The following GTF2F2 variants were observed in gnomAD, a reference collection of about 807,000 sequenced individuals.
The protein encoded by GTF2F2 is general transcription factor IIF subunit 2.
Under a neutral mutation model 42.2 loss-of-function variants are expected in GTF2F2, and 23 were observed. The ratio of observed to expected loss-of-function variants is 0.55; its 90% CI spans 0.39 to 0.77. The LOEUF (loss-of-function observed/expected upper bound fraction) is 0.77, where lower values mean the gene tolerates loss of function less well. Among genes scored for constraint, GTF2F2 ranks in the 30% least tolerant of loss-of-function variants. The pLI is 0.00. For synonymous variants in GTF2F2, 105 were observed against 100.8 expected (o/e 1.04, Z -0.25); for missense variants, 261 against 287.2 (o/e 0.91, Z 0.66).
At chr13:45,131,749 T>C (rs1008363571) in intron 1 of GTF2F2, among the ~76,000 whole-genome samples, 3 of 151,656 alleles carry the variant, frequency 2.0e-5, no homozygotes, top group Admixed American at 6.6e-5. Flanking sequence ...CCACAAAAAA[T>C]ACAAAACTTA....
At chr13:45,129,046 A>G (rs1366187569) in intron 1 of GTF2F2, among the ~76,000 whole-genome samples, 1 of 152,202 alleles carries the variant, frequency 6.6e-6, no homozygotes, top group Admixed American at 6.5e-5. Context: ...TAGTTTGATC[A>G]CAGAAAATCC....
At chr13:45,273,654 A>ATTT (rs1331934269) in intron 7 of GTF2F2, among the ~76,000 whole-genome samples, 4 of 110,830 alleles carry the variant, frequency 3.6e-5, no homozygotes, top group Non-Finnish European at 7.2e-5. Context: ...AGAGTGGTAA[A>ATTT]ATTTTTTTTT....
chr13:45,272,579 CA>C (rs1218894677), intron 7 of GTF2F2, among the ~76,000 whole-genome samples: 1 of 150,946 alleles, frequency 6.6e-6, no homozygotes, highest in Non-Finnish European at 1.5e-5. Flanking sequence ...CCCAACTCTA[CA>C]AAAAAATACA....
chr13:45,228,283 C>CTTTTTTTTTT lies in GTF2F2; in HGVS notation c.386+20785_386+20794dup, dbSNP rs372901327. ...TTTCCTTATTGCTGCCAGAGTTAAT[C>CTTTTTTTTTT]TTTTTTTTTTTTTTTTGGAGACGGA... On this transcript the variant is annotated intron_variant, in intron 5 of 7. Coordinates refer to ENST00000340473, the MANE Select transcript of GTF2F2 (RefSeq NM_004128.3). Among the ~76,000 whole-genome samples, 805 of 92,620 alleles carry CTTTTTTTTTT rather than the reference C, an allele frequency of 8.7e-3. 90 individuals are homozygous for CTTTTTTTTTT. Among genetic ancestry groups the CTTTTTTTTTT allele is most frequent in the African/African-American group, 0.039 (691 of 17,572 alleles). 60.8% of individuals were successfully genotyped at this position (92,620 alleles called of 152,430 possible). A position where few individuals can be genotyped will look rare whatever the true frequency, so the allele number is the denominator to read the frequency against.
chr13:45,158,598 G>A (rs1458334430), intron 4 of GTF2F2, among the ~76,000 whole-genome samples: 1 of 152,092 alleles, frequency 6.6e-6, no homozygotes, highest in Non-Finnish European at 1.5e-5. Context: ...TCCTCTGTCA[G>A]GGATTTGTCT....
chr13:45,159,038 G>T (rs1356349281), intron 4 of GTF2F2, among the ~76,000 whole-genome samples: 5 of 152,094 alleles, frequency 3.3e-5, no homozygotes, highest in Admixed American at 6.5e-5. Context: ...TTTGGCACAG[G>T]TGATTTTTTA....
chr13:45,194,032 C>A, intron 4 of GTF2F2: 1 of 1,614,102 alleles, frequency 6.2e-7, no homozygotes, highest in Non-Finnish European at 8.5e-7. Flanking sequence ...TCCATCCAGC[C>A]TGCTTTTGGA....
At chr13:45,259,870 G>A (rs917077407) in intron 6 of GTF2F2, among the ~76,000 whole-genome samples, 3 of 151,956 alleles carry the variant, frequency 2.0e-5, no homozygotes, top group Non-Finnish European at 4.4e-5. Flanking sequence ...GATTATAGGC[G>A]TGAGCCACTG....
chr13:45,136,617 C>A, intron 1 of GTF2F2, 116 bp from the exon 2 acceptor site: 1 of 615,484 alleles, frequency 1.6e-6, no homozygotes, highest in Non-Finnish European at 2.9e-6. Context: ...ACAGTAGTAA[C>A]TTGATAATGA....
chr13:45,134,786 TGA>T (rs1390662755), intron 1 of GTF2F2, among the ~76,000 whole-genome samples: 1 of 152,150 alleles, frequency 6.6e-6, no homozygotes, highest in Non-Finnish European at 1.5e-5. Flanking sequence ...AGTCTGGAGT[TGA>T]GTCTTGAATC....
chr13:45,278,887 G>A (rs753382342), intron 7 of GTF2F2, among the ~76,000 whole-genome samples: 12 of 142,704 alleles, frequency 8.4e-5, no homozygotes, highest in Admixed American at 4.4e-4. Context: ...ACAGTGGTGC[G>A]ATCTCAGCTC....
At chr13:45,198,779 A>G (rs1181972370) in intron 4 of GTF2F2, among the ~76,000 whole-genome samples, 1 of 150,968 alleles carries the variant, frequency 6.6e-6, no homozygotes, top group African/African-American at 2.4e-5. Flanking sequence ...TTTTTTTAAC[A>G]TGTACTTGCT....
intron 1 of GTF2F2, among the ~76,000 whole-genome samples, chr13:45,132,940 C>A (rs768624313): frequency 1.3e-5 from 2 of 151,994 alleles, no homozygotes; most frequent in Non-Finnish European, 2.9e-5. Context: ...TAAGGGCTCA[C>A]TTGATGTTTG....
intron 5 of GTF2F2, chr13:45,219,278 C>T (rs1344135399): frequency 1.3e-5 from 2 of 152,132 alleles, no homozygotes; most frequent in African/African-American, 2.4e-5. Context: ...TTTGAACCCA[C>T]ATCTGATTGA....
intron 4 of GTF2F2, among the ~76,000 whole-genome samples, chr13:45,169,090 A>G: frequency 6.6e-6 from 1 of 151,324 alleles, no homozygotes; most frequent in East Asian, 1.9e-4. Context: ...CCTGACCTCA[A>G]GTGATCCGAT....
At chr13:45,248,535 G>A (rs1341152721) in intron 5 of GTF2F2, among the ~76,000 whole-genome samples, 8 of 151,834 alleles carry the variant, frequency 5.3e-5, no homozygotes, top group Non-Finnish European at 1.0e-4. Context: ...GTGCAATGGC[G>A]CGATCTCAGC....
At chr13:45,169,776 A>G (rs192439307) in intron 4 of GTF2F2, among the ~76,000 whole-genome samples, 2 of 152,314 alleles carry the variant, frequency 1.3e-5, no homozygotes, top group African/African-American at 2.4e-5. Flanking sequence ...TTTTGAATCC[A>G]TGGATCCAGT....
intron 4 of GTF2F2, among the ~76,000 whole-genome samples, chr13:45,168,080 T>G (rs1871389266): frequency 6.6e-6 from 1 of 152,246 alleles, no homozygotes; most frequent in Non-Finnish European, 1.5e-5. Flanking sequence ...GAGAAAGATC[T>G]GTACCGTTTA....
intron 4 of GTF2F2, among the ~76,000 whole-genome samples, chr13:45,173,175 T>A (rs1871680189): frequency 6.6e-6 from 1 of 152,198 alleles, no homozygotes; most frequent in African/African-American, 2.4e-5. Context: ...TAATTAAGTT[T>A]TTTATTTTGA....
Sources: gnomAD v4.1 joint callset for allele counts (sites outside exome capture counted in the v4.1 genomes callset) on GRCh38, gnomAD v4.1.1 for gene constraint, MANE v1.5 for transcripts, NCBI Gene and HGNC (gene_info 2026-07-23, HGNC 2026-07-21) for gene names.